Variants in ASIC2 observed in about 807,000 individuals in gnomAD.
The protein encoded by ASIC2 is acid sensing ion channel subunit 2, also known as acid-sensing ion channel 2.
ASIC2 carries 25 observed loss-of-function variants against 57.3 expected under a neutral mutation model. The observed-to-expected ratio is 0.44, with a 90% CI of 0.32 to 0.61. The LOEUF (loss-of-function observed/expected upper bound fraction) is 0.61, where lower values mean the gene tolerates loss of function less well. ASIC2 is among the 20% of genes least tolerant of loss of function. The pLI is 0.06. For synonymous variants in ASIC2, 319 were observed against 307.5 expected, an observed-to-expected ratio of 1.04 and a Z score of -0.39; for missense variants, 641 against 738.1, an observed-to-expected ratio of 0.87 and a Z score of 1.52.
intron 3 of ASIC2, among the ~76,000 whole-genome samples, chr17:33,087,855 G>A (rs927958261): frequency 6.6e-5 from 10 of 151,906 alleles, no homozygotes; most frequent in Admixed American, 5.2e-4. Flanking sequence ...CACCGTGCCC[G>A]GCCCTACAAC....
intron 1 of ASIC2, among the ~76,000 whole-genome samples, chr17:33,799,352 C>CTT (rs1567718753): frequency 7.3e-6 from 1 of 136,060 alleles, no homozygotes; most frequent in Non-Finnish European, 1.6e-5. Flanking sequence ...TCCTCTCTTT[C>CTT]TCTTTCTTTC....
At chr17:33,685,060 A>G (rs1908138003) in intron 1 of ASIC2, among the ~76,000 whole-genome samples, 1 of 152,206 alleles carries the variant, frequency 6.6e-6, no homozygotes, top group Non-Finnish European at 1.5e-5. Flanking sequence ...GAAGCAAGAA[A>G]GTCCTGCTAA....
chr17:33,933,631 A>G (rs539388019), intron 1 of ASIC2, among the ~76,000 whole-genome samples: 1 of 152,342 alleles, frequency 6.6e-6, no homozygotes, highest in African/African-American at 2.4e-5. Flanking sequence ...GCCCTAATCC[A>G]GGGGATGAGG....
intron 3 of ASIC2, among the ~76,000 whole-genome samples, chr17:33,085,079 C>T (rs2092129544): frequency 6.6e-6 from 1 of 152,190 alleles, no homozygotes; most frequent in Non-Finnish European, 1.5e-5. Context: ...CTTTAAGTCA[C>T]TAGTTCCTCT....
intron 1 of ASIC2, among the ~76,000 whole-genome samples, chr17:33,512,808 C>G (rs1936316281): frequency 6.6e-6 from 1 of 152,190 alleles, no homozygotes; most frequent in Non-Finnish European, 1.5e-5. Flanking sequence ...AAAGGCCTGT[C>G]AATATTTACC....
At chr17:33,990,987 G>A (rs916976462) in intron 1 of ASIC2, among the ~76,000 whole-genome samples, 21 of 152,144 alleles carry the variant, frequency 1.4e-4, no homozygotes, top group African/African-American at 4.6e-4. Context: ...AAAGAGAGTA[G>A]GGGATAAAGA....
intron 1 of ASIC2, among the ~76,000 whole-genome samples, chr17:33,929,123 G>A (rs1245538825): frequency 6.6e-6 from 1 of 152,068 alleles, no homozygotes; most frequent in Non-Finnish European, 1.5e-5. Flanking sequence ...GTGAATCTCT[G>A]CCTCCCCTCA....
chr17:33,976,041 C>T (rs1050243329), intron 1 of ASIC2, among the ~76,000 whole-genome samples: 2 of 151,848 alleles, frequency 1.3e-5, no homozygotes, highest in African/African-American at 2.4e-5. Context: ...AACTTCTCTG[C>T]CCTCAAATTG....
At chr17:33,408,621 C>T (rs1910547997) in intron 1 of ASIC2, among the ~76,000 whole-genome samples, 1 of 152,158 alleles carries the variant, frequency 6.6e-6, no homozygotes, top group Admixed American at 6.5e-5. Flanking sequence ...CCCTTTTCTC[C>T]CCTTTCTCCA....
chr17:33,791,316 G>A (rs992753813), intron 1 of ASIC2, among the ~76,000 whole-genome samples: 2 of 152,168 alleles, frequency 1.3e-5, no homozygotes, highest in African/African-American at 2.4e-5. Flanking sequence ...TCTGCCATGG[G>A]AAATATGAGC....
intron 1 of ASIC2, among the ~76,000 whole-genome samples, chr17:33,406,306 T>C (rs886896149): frequency 6.6e-6 from 1 of 152,214 alleles, no homozygotes; most frequent in African/African-American, 2.4e-5. Context: ...ATTAAGGTGC[T>C]GTGTCTGATG....
chr17:33,782,404 AT>A (rs1463475317), intron 1 of ASIC2, among the ~76,000 whole-genome samples: 1 of 150,108 alleles, frequency 6.7e-6, no homozygotes, highest in East Asian at 2.0e-4. Context: ...TGTTAAAAAG[AT>A]TATCCTTTCT....
At chr17:34,069,306 C>CT (rs200411108) in intron 1 of ASIC2, 27,631 of 142,418 alleles carry the variant, frequency 0.19, 3,130 homozygotes, top group African/African-American at 0.33. Context: ...TTCTTCCTTC[C>CT]TTCCTTTCTT....
chr17:33,909,776 A>C (rs1456600102), intron 1 of ASIC2, among the ~76,000 whole-genome samples: 1 of 152,234 alleles, frequency 6.6e-6, no homozygotes, highest in Non-Finnish European at 1.5e-5. Context: ...ATATTTCCTC[A>C]ATTACATCTT....
intron 1 of ASIC2, among the ~76,000 whole-genome samples, chr17:33,407,181 T>C (rs892618981): frequency 6.6e-6 from 1 of 152,236 alleles, no homozygotes. Flanking sequence ...CATTCGCCAA[T>C]GTGTTGGGAA....
At position 33,430,352 on chromosome 17, in the gene ASIC2, A is replaced by C. The variant is rs368922262; in HGVS notation, c.556-318285T>G. 9.1e-4 allele frequency among the ~76,000 whole-genome samples: 139 copies of C among 152,220 alleles called. 6 individuals are homozygous for C. In the South Asian group the frequency reaches 0.028, roughly 30 times the overall value. ...TGCTCGATGGGACTCCTGGGGGGAA[A>C]ATCTAGAAGGGGCAGAGGCATCAAG... On this transcript the variant is annotated intron_variant, in intron 1 of 9. Transcript: ENST00000359872.
intron 1 of ASIC2, among the ~76,000 whole-genome samples, chr17:34,084,350 G>A (rs1314392181): frequency 4.6e-5 from 7 of 152,240 alleles, no homozygotes; most frequent in Non-Finnish European, 8.8e-5. Context: ...AGATGAGATA[G>A]TTGTAGATAT....
intron 1 of ASIC2, among the ~76,000 whole-genome samples, chr17:33,503,610 C>CAA (rs1304703753): frequency 6.6e-6 from 1 of 152,138 alleles, no homozygotes; most frequent in Non-Finnish European, 1.5e-5. Context: ...CTACATCTTA[C>CAA]CTTCTCCCTC....
At position 34,122,927 on chromosome 17, in the gene ASIC2, G is replaced by A. The variant is rs1011602836; in HGVS notation, c.555+33051C>T. ...ACAAAGCAGCCTCATAAAGAATATCGTCAAGTAATAAAATATCCAAATCTG... is the reference window on the plus strand; with the variant it reads ...ACAAAGCAGCCTCATAAAGAATATCATCAAGTAATAAAATATCCAAATCTG... On this transcript the variant is annotated intron_variant, in intron 1 of 9. Transcript: ENST00000359872. 4.6e-5 allele frequency among the ~76,000 whole-genome samples: 7 copies of A among 152,242 alleles called. No homozygotes were observed. The East Asian group carries it at 7.7e-4, about 17-fold the overall frequency.
Sources: gnomAD v4.1 joint callset for allele counts (sites outside exome capture counted in the v4.1 genomes callset) on GRCh38, gnomAD v4.1.1 for gene constraint, MANE v1.5 for transcripts, NCBI Gene and HGNC (gene_info 2026-07-23, HGNC 2026-07-21) for gene names.